Variants in ALPL observed in about 807,000 individuals in gnomAD.
ALPL encodes the protein alkaline phosphatase, biomineralization associated, also known as alkaline phosphatase, tissue-nonspecific isozyme.
ALPL carries 42 observed loss-of-function variants against 51.3 expected under a neutral mutation model. The observed-to-expected ratio is 0.82, with a 90% CI of 0.64 to 1.06. The LOEUF (loss-of-function observed/expected upper bound fraction) is 1.06, where lower values mean the gene tolerates loss of function less well. Among genes scored for constraint, ALPL ranks in the 50% least tolerant of loss-of-function variants. The probability of loss-of-function intolerance (pLI) is 0.00; values close to 1 mark genes in which losing one functional copy is unlikely to be tolerated. For missense variants in ALPL, 589 were observed against 709.4 expected, an observed-to-expected ratio of 0.83 and a Z score of 1.93; for synonymous variants, 279 against 296.4, an observed-to-expected ratio of 0.94 and a Z score of 0.60.
At chr1:21,551,325 T>C (rs1281183924) in intron 1 of ALPL, 1 of 152,276 alleles carries the variant, frequency 6.6e-6, no homozygotes, top group Non-Finnish European at 1.5e-5. Flanking sequence ...AAGAACTATA[T>C]TACCTTCAAA....
intron 1 of ALPL, among the ~76,000 whole-genome samples, chr1:21,520,096 T>G (rs1212854095): frequency 1.3e-5 from 2 of 152,116 alleles, no homozygotes; most frequent in Non-Finnish European, 2.9e-5. Context: ...TTCCAGGCAC[T>G]TATTCTATTT....
At position 21,575,268 on chromosome 1, in the gene ALPL, T is replaced by C. The variant is rs377101747; in HGVS notation, c.998-465T>C. ...GGGCTTCCCCACACTAGGCCTCAGT[T>C]GCTCCATCTGTAAACAGGACTGATC... On this transcript the variant is annotated intron_variant, in intron 9 of 11. Coordinates refer to ENST00000374840, the MANE Select transcript of ALPL (RefSeq NM_000478.6). 1.5e-3 allele frequency among the ~76,000 whole-genome samples: 228 copies of C among 150,190 alleles called. 1 individual carries two copies. Among genetic ancestry groups the C allele is most frequent in the African/African-American group, 5.4e-3 (221 of 40,790 alleles).
intron 1 of ALPL, among the ~76,000 whole-genome samples, chr1:21,549,481 T>C (rs9699969): frequency 0.015 from 2,220 of 152,010 alleles, 58 homozygotes; most frequent in African/African-American, 0.05. Flanking sequence ...TTTTCTTTTT[T>C]TTTTTTTTCT....
intron 1 of ALPL, among the ~76,000 whole-genome samples, chr1:21,538,633 G>C (rs536901632): frequency 1.3e-5 from 2 of 152,324 alleles, no homozygotes; most frequent in Admixed American, 6.5e-5. Context: ...CCTCTGCTAG[G>C]GGGAGGGGAG....
At position 21,537,186 on chromosome 1, in the gene ALPL, G is replaced by A. The variant is rs188053282; in HGVS notation, c.-104-16792G>A. 4.1e-4 allele frequency among the ~76,000 whole-genome samples: 63 copies of A among 152,268 alleles called. No homozygotes were observed. In the East Asian group the frequency reaches 9.3e-3, roughly 22 times the overall value. ...GCTGGGATTAAAGGCGTGAGCCACC[G>A]TGCCCGGCCAGGTTCCTTCCCTTCT... On this transcript the variant is annotated intron_variant, in intron 1 of 11. Transcript: ENST00000374840.
At chr1:21,561,970 A>G (rs1644491980) in intron 4 of ALPL, among the ~76,000 whole-genome samples, 1 of 152,166 alleles carries the variant, frequency 6.6e-6, no homozygotes, top group Admixed American at 6.5e-5. Context: ...CCTGGCCTGT[A>G]TACACTTTTG....
At chr1:21,521,740 C>T (rs113821021) in intron 1 of ALPL, among the ~76,000 whole-genome samples, 19 of 152,318 alleles carry the variant, frequency 1.2e-4, no homozygotes, top group African/African-American at 4.3e-4. Flanking sequence ...CCTTTAGTCT[C>T]ACTCAGGTAT....
chr1:21,567,968 G>A (rs1468459363), intron 6 of ALPL, 136 bp from the exon 7 acceptor site: 3 of 1,163,000 alleles, frequency 2.6e-6, no homozygotes, highest in Admixed American at 3.6e-5. Flanking sequence ...AGAGATGACT[G>A]AGGCCTGGCT....
intron 1 of ALPL, among the ~76,000 whole-genome samples, chr1:21,536,432 G>T (rs1644106577): frequency 6.6e-6 from 1 of 152,208 alleles, no homozygotes; most frequent in South Asian, 2.1e-4. Context: ...TAACAGAAAA[G>T]CCAAGACGCA....
At position 21,577,298 on chromosome 1, in the gene ALPL, C is replaced by G. The variant is rs74060010; in HGVS notation, c.1310-85C>G. 3.0e-3 allele frequency: 4,802 copies of G among 1,601,778 alleles called. 111 individuals are homozygous for G. In the African/African-American group the frequency reaches 0.052, roughly 17 times the overall value. On this transcript the variant is annotated intron_variant, in intron 11 of 11. Transcript: ENST00000374840. ...CTTCTGTGAAATGGGAGCATTCAAG[C>G]CAGCCTGGAAGGGAGATGGAAAAGC...
At chr1:21,577,333 A>G in intron 11 of ALPL, 50 bp from the exon 12 acceptor site, 1 of 1,612,336 alleles carries the variant, frequency 6.2e-7, no homozygotes, top group East Asian at 2.2e-5. Flanking sequence ...CTGCGTGCGC[A>G]GCGCCAGGCC....
intron 1 of ALPL, among the ~76,000 whole-genome samples, chr1:21,546,409 T>C (rs1226611949): frequency 1.3e-5 from 2 of 152,190 alleles, no homozygotes; most frequent in Non-Finnish European, 2.9e-5. Context: ...AGAAAAGGCC[T>C]GGTCTAATGG....
At position 21,558,399 on chromosome 1, in the gene ALPL, A is replaced by G. The variant is rs1405983792; in HGVS notation, c.62-2227A>G. Among the ~76,000 whole-genome samples the G allele has an allele frequency of 3.3e-5, 5 of 152,320 alleles. No individual in the cohort carries two copies. In the East Asian group the frequency reaches 5.8e-4, roughly 18 times the overall value. On this transcript the variant is annotated intron_variant, in intron 2 of 11. Transcript: ENST00000374840. The stretch of plus-strand genomic sequence containing the variant: ...AACTGGCCAAAGAGGCTCTATGACC[A>G]ACAGCACCGTGGTGTGTTTTGAGGA...
chr1:21,565,623 G>A (rs568746548), intron 6 of ALPL, among the ~76,000 whole-genome samples: 2 of 151,796 alleles, frequency 1.3e-5, no homozygotes, highest in Non-Finnish European at 2.9e-5. Flanking sequence ...GAGGAGGGGG[G>A]GCCGCAGGGG....
At chr1:21,518,144 C>T (rs1432769389) in intron 1 of ALPL, among the ~76,000 whole-genome samples, 1 of 151,972 alleles carries the variant, frequency 6.6e-6, no homozygotes, top group Non-Finnish European at 1.5e-5. Context: ...GAGCTGTGCC[C>T]GTGTTCAGTC....
intron 2 of ALPL, among the ~76,000 whole-genome samples, chr1:21,555,864 G>A (rs764962200): frequency 6.6e-6 from 1 of 151,568 alleles, no homozygotes; most frequent in Non-Finnish European, 1.5e-5. Flanking sequence ...TCCATCTCCC[G>A]GGTTCACGCC....
At chr1:21,572,998 G>A (rs1780320) in intron 8 of ALPL, among the ~76,000 whole-genome samples, 32,597 of 152,188 alleles carry the variant, frequency 0.21, 3,988 homozygotes, top group Non-Finnish European at 0.29. Flanking sequence ...GCTGGAGGCA[G>A]ACTGACTGAT....
intron 4 of ALPL, among the ~76,000 whole-genome samples, 185 bp downstream of exon 4, chr1:21,561,397 G>T (rs1278930253): frequency 6.6e-6 from 1 of 152,170 alleles, no homozygotes; most frequent in Non-Finnish European, 1.5e-5. Context: ...CTGCTTGCGG[G>T]TGTGTGTTTA....
chr1:21,576,540 G>A lies in ALPL; in HGVS notation c.1208G>A (p.Ser403Asn), dbSNP rs757564264. ...NSIFGLAPML[S>N]DTDKKPFTAI... is the part of the protein sequence containing the mutation. ...TGTGCAGGTCTGGCCCCCATGCTGA[G>A]TGACACAGACAAGAAGCCCTTCACT... Residue 403 changes from serine (S) to asparagine (N), a missense_variant, in exon 11 of 12, where the codon AGT becomes AAT. Transcript: ENST00000374840. 1.2e-6 allele frequency: 2 copies of A among 1,613,848 alleles called. No homozygotes were observed. The highest frequency in any genetic ancestry group is 1.7e-6 in the Non-Finnish European group (2 of 1,179,942).
Sources: allele counts gnomAD v4.1 joint callset (sites outside exome capture counted in the v4.1 genomes callset), GRCh38; gene constraint gnomAD v4.1.1; transcripts MANE v1.5; gene names NCBI Gene and HGNC (gene_info 2026-07-23, HGNC 2026-07-21).